Variants in GKAP1 observed in about 807,000 individuals in gnomAD.
GKAP1 encodes the protein G kinase-anchoring protein 1.
Under a neutral mutation model 56.7 loss-of-function variants are expected in GKAP1, and 31 were observed. The ratio of observed to expected loss-of-function variants is 0.55; its 90% CI spans 0.41 to 0.74. GKAP1 has a LOEUF of 0.74. Among genes scored for constraint, GKAP1 ranks in the 30% least tolerant of loss-of-function variants. GKAP1 has a pLI of 0.00. For missense variants in GKAP1, 364 were observed against 402.3 expected (o/e 0.90, Z 0.82); for synonymous variants, 151 against 138.6 (o/e 1.09, Z -0.63).
intron 10 of GKAP1, 112 bp from the exon 11 acceptor site, chr9:83,742,712 T>C (rs1043959365): frequency 6.9e-6 from 4 of 581,182 alleles, no homozygotes; most frequent in South Asian, 2.7e-5. Flanking sequence ...TTTCTTGTCA[T>C]ACTTAAAGAA....
intron 2 of GKAP1, among the ~76,000 whole-genome samples, chr9:83,811,903 A>G (rs1363906829): frequency 6.6e-6 from 1 of 152,178 alleles, no homozygotes; most frequent in Non-Finnish European, 1.5e-5. Context: ...AATAGCCAAC[A>G]TATCAACACA....
At chr9:83,754,514 G>A (rs1587694209) in intron 8 of GKAP1, among the ~76,000 whole-genome samples, 2 of 152,292 alleles carry the variant, frequency 1.3e-5, no homozygotes, top group East Asian at 3.9e-4. Flanking sequence ...CTAAAGTGGT[G>A]ACACTTAAAT....
intron 2 of GKAP1, among the ~76,000 whole-genome samples, chr9:83,809,675 T>C (rs1465631861): frequency 6.6e-6 from 1 of 152,262 alleles, no homozygotes; most frequent in Non-Finnish European, 1.5e-5. Context: ...ACATGCATTT[T>C]CAGCAGCATC....
intron 8 of GKAP1, among the ~76,000 whole-genome samples, chr9:83,759,142 C>CTT (rs1306577546): frequency 1.3e-5 from 2 of 152,198 alleles, no homozygotes; most frequent in African/African-American, 4.8e-5. Context: ...AATCATACCC[C>CTT]TTTTCCCTCC....
intron 10 of GKAP1, 109 bp downstream of exon 10, chr9:83,748,200 T>C (rs751180308): frequency 6.6e-5 from 44 of 671,264 alleles, no homozygotes; most frequent in Non-Finnish European, 1.0e-4. Flanking sequence ...AGTCACCCTA[T>C]TGTGCTATCA....
chr9:83,802,144 G>A (rs1333973362), intron 3 of GKAP1, among the ~76,000 whole-genome samples: 1 of 152,132 alleles, frequency 6.6e-6, no homozygotes, highest in African/African-American at 2.4e-5. Flanking sequence ...TAAAGCTAAG[G>A]ATGTCTAGGA....
chr9:83,769,237 T>C (rs1019071221), intron 7 of GKAP1, among the ~76,000 whole-genome samples: 3 of 152,236 alleles, frequency 2.0e-5, no homozygotes, highest in Non-Finnish European at 2.9e-5. Flanking sequence ...TAAATTTCTG[T>C]TATTTATATA....
chr9:83,751,272 C>T (rs544288488), intron 9 of GKAP1, among the ~76,000 whole-genome samples: 7 of 152,150 alleles, frequency 4.6e-5, no homozygotes, highest in Non-Finnish European at 1.0e-4. Flanking sequence ...TGCCTTTGTA[C>T]ATACAATTCT....
At chr9:83,812,276 TATACAC>T (rs1474300151) in intron 2 of GKAP1, among the ~76,000 whole-genome samples, 2 of 148,184 alleles carry the variant, frequency 1.3e-5, no homozygotes, top group Non-Finnish European at 3.0e-5. Flanking sequence ...TACACATATA[TATACAC>T]ATATATACGT....
rs1203523125 is a variant in GKAP1 at position 83,805,576 on chromosome 9, T to G, written c.216+726A>C. On this transcript the variant is annotated intron_variant, in intron 3 of 12. Coordinates refer to ENST00000376371, the MANE Select transcript of GKAP1 (RefSeq NM_025211.4). ...AATATGGAAAACTGCTCATGGTTAA[T>G]TTTTTTTAAAAGCCAGTTATAAAAC... Among the ~76,000 whole-genome samples the G allele has an allele frequency of 5.9e-5, 9 of 152,104 alleles. No individual in the cohort carries two copies. In the East Asian group the frequency reaches 1.7e-3, roughly 29 times the overall value.
At chr9:83,747,806 T>G (rs1027832637) in intron 10 of GKAP1, among the ~76,000 whole-genome samples, 2 of 152,018 alleles carry the variant, frequency 1.3e-5, no homozygotes, top group East Asian at 1.9e-4. Context: ...CTGGCTACTT[T>G]TCGTATTTTT....
Position 83,807,883 on chromosome 9 carries a change from G to A in GKAP1, c.-43-1323C>T, listed in dbSNP as rs550904948. Among the ~76,000 whole-genome samples, 31 of 152,250 alleles carry A rather than the reference G, an allele frequency of 2.0e-4. 1 individual carries two copies. In the South Asian group the frequency reaches 5.4e-3, roughly 26 times the overall value. The stretch of plus-strand genomic sequence containing the variant: ...TTCTGAAAGCTAACCACACATTATC[G>A]TTTGTATGTTTTCAGGAGGGAAGAA... On this transcript the variant is annotated intron_variant, in intron 2 of 12. Coordinates refer to ENST00000376371, the MANE Select transcript of GKAP1 (RefSeq NM_025211.4).
At chr9:83,777,115 A>C (rs1263964646) in intron 7 of GKAP1, among the ~76,000 whole-genome samples, 1 of 152,218 alleles carries the variant, frequency 6.6e-6, no homozygotes, top group Non-Finnish European at 1.5e-5. Context: ...TATTTCTCCT[A>C]TCCCTCTGTC....
chr9:83,776,975 G>A (rs1471213971), intron 7 of GKAP1, among the ~76,000 whole-genome samples: 1 of 152,218 alleles, frequency 6.6e-6, no homozygotes, highest in African/African-American at 2.4e-5. Flanking sequence ...TGTAGAGACA[G>A]ATAGGACTGG....
At position 83,784,660 on chromosome 9, in the gene GKAP1, T is replaced by C. The variant is rs567247605; in HGVS notation, c.562+55A>G. On this transcript the variant is annotated intron_variant, in intron 6 of 12. Transcript: ENST00000376371. ...ATTAGAAAGACATTTACAACTGAAGTATAAAACAGATGTAGAATAGTTCTT... is the reference window on the plus strand; with the variant it reads ...ATTAGAAAGACATTTACAACTGAAGCATAAAACAGATGTAGAATAGTTCTT... The C allele has an allele frequency of 6.7e-5, 83 of 1,237,914 alleles. No homozygotes were observed. The African/African-American group carries it at 1.1e-3, about 17-fold the overall frequency. The allele number at this position is 1,237,914 out of a possible 1,614,324, so 76.7% of individuals were successfully genotyped here. A position where few individuals can be genotyped will look rare whatever the true frequency, so the allele number is the denominator to read the frequency against.
intron 8 of GKAP1, among the ~76,000 whole-genome samples, chr9:83,763,609 G>A (rs551892773): frequency 1.6e-4 from 25 of 152,118 alleles, no homozygotes; most frequent in Admixed American, 4.6e-4. Flanking sequence ...TCTACTCTAA[G>A]TTTCTAATTC....
In GKAP1 at chr9:83,742,560, T is replaced by C; in HGVS notation, c.945A>G (p.Ser315=). ...TAGTGAGCTCATTCTTGATACTTTG[T>C]GATTCATCAACTTGCAGAAGTATTT... ...KAEILLQVDE[S]QSIKNELTIQ... The change falls in exon 11 of 13, where the codon TCA becomes TCG. Residue 315 remains serine (S), a synonymous_variant. Coordinates refer to ENST00000376371, the MANE Select transcript of GKAP1 (RefSeq NM_025211.4). 6.2e-7 allele frequency: 1 copy of C among 1,612,766 alleles called. No individual in the cohort carries two copies. The highest frequency in any genetic ancestry group is 8.5e-7 in the Non-Finnish European group (1 of 1,179,474).
chr9:83,788,682 CA>C lies in GKAP1; in HGVS notation c.361-5del, dbSNP rs757928443. 3.8e-4 allele frequency: 592 copies of C among 1,570,332 alleles called. No individual in the cohort carries two copies. Among genetic ancestry groups the C allele is most frequent in the Middle Eastern group, 8.4e-4 (5 of 5,926 alleles). ...CTTCAAACATTTCAGATGTCAGCTA[CA>C]AAAAAAAAGTTTCACAATAAACAGA... On this transcript the variant is annotated splice_region_variant and splice_polypyrimidine_tract_variant and intron_variant, in intron 4 of 12. Transcript: ENST00000376371.
intron 8 of GKAP1, among the ~76,000 whole-genome samples, chr9:83,762,096 G>C (rs1219491904): frequency 1.3e-5 from 2 of 152,056 alleles, no homozygotes; most frequent in Non-Finnish European, 2.9e-5. Flanking sequence ...ATCTAAATTG[G>C]AAAGGAAGAA....
Sources: gnomAD v4.1 joint callset for allele counts (sites outside exome capture counted in the v4.1 genomes callset) on GRCh38, gnomAD v4.1.1 for gene constraint, MANE v1.5 for transcripts, NCBI Gene and HGNC (gene_info 2026-07-23, HGNC 2026-07-21) for gene names.